Variants in TMTC2 observed in about 807,000 individuals in gnomAD.
TMTC2 encodes the protein protein O-mannosyl-transferase TMTC2.
A neutral mutation model predicts 82.4 loss-of-function variants in TMTC2; 43 were observed. That is an observed-to-expected ratio of 0.52 (90% CI 0.41 to 0.67). The LOEUF (loss-of-function observed/expected upper bound fraction) is 0.67, where lower values mean the gene tolerates loss of function less well. Ranked by LOEUF, TMTC2 falls within the 30% of genes least tolerant of loss-of-function variation. TMTC2 has a pLI of 0.00. For synonymous variants in TMTC2, 408 were observed against 381.9 expected (o/e 1.07, Z -0.80); for missense variants, 919 against 1,012.4 (o/e 0.91, Z 1.25).
rs114165251 is a variant in TMTC2 at position 82,941,896 on chromosome 12, G to A, written c.1598+11351G>A. Among the ~76,000 whole-genome samples, 999 of 152,102 alleles carry A rather than the reference G, an allele frequency of 6.6e-3. 12 individuals are homozygous for A. The highest frequency in any genetic ancestry group is 0.023 in the African/African-American group (954 of 41,500). On this transcript the variant is annotated intron_variant, in intron 4 of 11. Transcript: ENST00000321196. ...TGAGTAGCCAGGATTACAGATGTGC[G>A]ACACCATGCCTGACTAGTTTTGTAT...
intron 11 of TMTC2, among the ~76,000 whole-genome samples, chr12:83,070,814 T>C (rs1883082399): frequency 6.6e-6 from 1 of 152,214 alleles, no homozygotes; most frequent in African/African-American, 2.4e-5. Context: ...TTCAGTATTA[T>C]GTTGGCTGTA....
chr12:82,844,069 G>A (rs530630376), intron 1 of TMTC2, among the ~76,000 whole-genome samples: 2 of 152,200 alleles, frequency 1.3e-5, no homozygotes, highest in Admixed American at 6.5e-5. Flanking sequence ...CCAAGACTTC[G>A]TTTCCTAGAG....
intron 1 of TMTC2, among the ~76,000 whole-genome samples, chr12:82,727,228 T>A (rs1874504501): frequency 6.6e-6 from 1 of 152,184 alleles, no homozygotes; most frequent in African/African-American, 2.4e-5. Context: ...TCTTAACCTT[T>A]CTTCTAGTCT....
chr12:82,720,406 T>C (rs1874151375), intron 1 of TMTC2, among the ~76,000 whole-genome samples: 1 of 152,222 alleles, frequency 6.6e-6, no homozygotes, highest in Admixed American at 6.5e-5. Flanking sequence ...CATACCTTTT[T>C]ATAGCCAAAT....
intron 10 of TMTC2, among the ~76,000 whole-genome samples, chr12:83,055,247 A>G (rs540734065): frequency 4.0e-4 from 61 of 152,078 alleles, no homozygotes; most frequent in Non-Finnish European, 6.8e-4. Flanking sequence ...AAGTTAGAAG[A>G]TCAGTGAATT....
chr12:82,740,541 C>A (rs535802605), intron 1 of TMTC2, among the ~76,000 whole-genome samples: 1 of 152,174 alleles, frequency 6.6e-6, no homozygotes, highest in Non-Finnish European at 1.5e-5. Context: ...GTACTCTGAT[C>A]CTAGCACATA....
chr12:82,816,224 C>T (rs2137056164), intron 1 of TMTC2, among the ~76,000 whole-genome samples: 1 of 149,364 alleles, frequency 6.7e-6, no homozygotes, highest in African/African-American at 2.5e-5. Flanking sequence ...AAATAGTTCT[C>T]TAAATGTGTA....
intron 2 of TMTC2, among the ~76,000 whole-genome samples, chr12:82,859,648 G>C (rs1332525327): frequency 6.6e-6 from 1 of 152,156 alleles, no homozygotes; most frequent in Non-Finnish European, 1.5e-5. Context: ...CCTTATTCAT[G>C]TAACAGCTGC....
intron 9 of TMTC2, among the ~76,000 whole-genome samples, chr12:83,045,749 A>ACACACACACACACACACACACG: frequency 7.2e-6 from 1 of 138,318 alleles, no homozygotes; most frequent in East Asian, 2.2e-4. Flanking sequence ...ACACACACAC[A>ACACACACACACACACACACACG]CACCAGGAGT....
chr12:82,890,446 T>A (rs1873338084), intron 2 of TMTC2, among the ~76,000 whole-genome samples: 1 of 152,170 alleles, frequency 6.6e-6, no homozygotes, highest in Non-Finnish European at 1.5e-5. Context: ...TCCCAGAGCC[T>A]GAGAAGGATA....
chr12:82,985,285 C>G (rs1445276008), intron 7 of TMTC2, among the ~76,000 whole-genome samples: 1 of 152,118 alleles, frequency 6.6e-6, no homozygotes, highest in Admixed American at 6.6e-5. Flanking sequence ...TTCCTAGACT[C>G]AAGCTATCCG....
chr12:83,083,901 A>G (rs904817255), intron 11 of TMTC2, among the ~76,000 whole-genome samples: 2 of 152,202 alleles, frequency 1.3e-5, no homozygotes, highest in Non-Finnish European at 2.9e-5. Flanking sequence ...TTCAAGGTTT[A>G]TTTCAAGGGG....
intron 1 of TMTC2, among the ~76,000 whole-genome samples, chr12:82,806,923 G>C (rs888293718): frequency 6.6e-6 from 1 of 152,044 alleles, no homozygotes; most frequent in Non-Finnish European, 1.5e-5. Flanking sequence ...CCATTCTTAA[G>C]TACATGGACT....
chr12:82,831,286 G>GT (rs1332853197), intron 1 of TMTC2, among the ~76,000 whole-genome samples: 1 of 152,208 alleles, frequency 6.6e-6, no homozygotes, highest in Non-Finnish European at 1.5e-5. Context: ...TGCATCAGCA[G>GT]TTTCTCTCCT....
At chr12:82,833,981 C>T (rs1177389166) in intron 1 of TMTC2, among the ~76,000 whole-genome samples, 1 of 152,092 alleles carries the variant, frequency 6.6e-6, no homozygotes, top group Non-Finnish European at 1.5e-5. Context: ...AACTTGTGGA[C>T]TTTGGTAATT....
At chr12:82,864,500 T>C (rs1871718944) in intron 2 of TMTC2, among the ~76,000 whole-genome samples, 1 of 143,720 alleles carries the variant, frequency 7.0e-6, no homozygotes, top group Non-Finnish European at 1.5e-5. Context: ...CACATTCTTT[T>C]TTTTTTTTTT....
chr12:83,104,900 C>G (rs568334873), intron 11 of TMTC2, among the ~76,000 whole-genome samples: 1 of 152,316 alleles, frequency 6.6e-6, no homozygotes, highest in East Asian at 1.9e-4. Flanking sequence ...AATGTAACTT[C>G]CAACTTTATG....
intron 8 of TMTC2, among the ~76,000 whole-genome samples, chr12:83,017,778 A>G (rs1379956377): frequency 1.3e-5 from 2 of 150,716 alleles, no homozygotes; most frequent in African/African-American, 2.4e-5. Context: ...GCAACCAGTC[A>G]TGTTCAGTTA....
chr12:82,898,709 A>G (rs572395272), intron 3 of TMTC2, among the ~76,000 whole-genome samples: 10 of 152,316 alleles, frequency 6.6e-5, no homozygotes, highest in African/African-American at 2.2e-4. Context: ...GAAAGGGCAA[A>G]TGGTGGGTGT....
Sources: gnomAD v4.1 joint callset for allele counts (sites outside exome capture counted in the v4.1 genomes callset) on GRCh38, gnomAD v4.1.1 for gene constraint, MANE v1.5 for transcripts, NCBI Gene and HGNC (gene_info 2026-07-23, HGNC 2026-07-21) for gene names.